The following CIMAP2 variants were observed in gnomAD, a reference collection of about 807,000 sequenced individuals.
The protein encoded by CIMAP2 is ciliary microtubule-associated protein 2.
At chr1:54,808,731 C>T in the CIMAP2 span, among the ~76,000 whole-genome samples, 23 of 151,544 alleles carry the variant, frequency 1.5e-4, no homozygotes, top group South Asian at 1.3e-3. Context: ...GGGGTGGCAG[C>T]GCCAGGGGAT....
chr1:54,816,108 C>T, the CIMAP2 span, among the ~76,000 whole-genome samples: 1 of 152,242 alleles, frequency 6.6e-6, no homozygotes, highest in Admixed American at 6.5e-5. Context: ...ACTGCTACCA[C>T]AGAGCCAGCC....
chr1:54,808,618 A>AGGGG, the CIMAP2 span, among the ~76,000 whole-genome samples: 3 of 82,194 alleles, frequency 3.6e-5, 1 homozygote, highest in Non-Finnish European at 8.2e-5. Context: ...CTGCCGGGGG[A>AGGGG]GGGCAGTGGA....
At chr1:54,841,471 C>T in the CIMAP2 span, 254 of 1,335,350 alleles carry the variant, frequency 1.9e-4, no homozygotes, top group Non-Finnish European at 2.4e-4. Flanking sequence ...TAAGTTCCCT[C>T]CTCTCTCTGG....
the CIMAP2 span, among the ~76,000 whole-genome samples, chr1:54,812,925 T>C: frequency 6.6e-6 from 1 of 151,900 alleles, no homozygotes; most frequent in Non-Finnish European, 1.5e-5. Context: ...AGCTCAGGAG[T>C]GCTGAGGAGG....
chr1:54,826,685 C>G, the CIMAP2 span, among the ~76,000 whole-genome samples: 3 of 152,234 alleles, frequency 2.0e-5, no homozygotes, highest in African/African-American at 2.4e-5. Context: ...ATTGCAGGAG[C>G]CTGTGCGGGG....
the CIMAP2 span, among the ~76,000 whole-genome samples, chr1:54,821,475 G>T: frequency 6.6e-6 from 1 of 152,058 alleles, no homozygotes; most frequent in Admixed American, 6.5e-5. Flanking sequence ...CATGGTGTTA[G>T]AATAATACCA....
the CIMAP2 span, chr1:54,812,075 C>T: frequency 6.2e-7 from 1 of 1,614,200 alleles, no homozygotes; most frequent in Non-Finnish European, 8.5e-7. Flanking sequence ...GCACCTACTT[C>T]TTCAAAAGCG....
At chr1:54,833,016 C>CA in the CIMAP2 span, among the ~76,000 whole-genome samples, 105 of 146,988 alleles carry the variant, frequency 7.1e-4, no homozygotes, top group Middle Eastern at 3.5e-3. Context: ...AACCTTGTCT[C>CA]AAAAAAAAAA....
At chr1:54,813,738 G>C in the CIMAP2 span, 1 of 1,463,884 alleles carries the variant, frequency 6.8e-7, no homozygotes, top group South Asian at 1.4e-5. Context: ...GCTTTTCTCT[G>C]GTTGCGGGGG....
chr1:54,807,927 C>T, the CIMAP2 span: 1 of 1,608,324 alleles, frequency 6.2e-7, no homozygotes, highest in Non-Finnish European at 8.5e-7. Flanking sequence ...ACCTCAAAGA[C>T]TTCTTAGAAC....
At chr1:54,833,861 T>A in the CIMAP2 span, among the ~76,000 whole-genome samples, 1 of 152,126 alleles carries the variant, frequency 6.6e-6, no homozygotes, top group African/African-American at 2.4e-5. Context: ...TAATTTTTAT[T>A]TCTTGAGATG....
the CIMAP2 span, chr1:54,811,764 A>AGCCGGGGGGGGGGC: frequency 9.1e-7 from 1 of 1,097,910 alleles, no homozygotes; most frequent in Non-Finnish European, 1.3e-6. Flanking sequence ...TGGTTCTGAC[A>AGCCGGGGGGGGGGC]GCCTCCATGC....
chr1:54,814,083 G>A, the CIMAP2 span: 6 of 1,320,720 alleles, frequency 4.5e-6, no homozygotes, highest in African/African-American at 9.0e-5. Context: ...TCAGTCTTGG[G>A]ATCAGACTGA....
the CIMAP2 span, chr1:54,811,769 C>CGGGGGGGG: frequency 2.0e-6 from 1 of 510,018 alleles, no homozygotes; most frequent in Non-Finnish European, 3.9e-6. Flanking sequence ...CTGACAGCCT[C>CGGGGGGGG]CATGCCCCCA....
At chr1:54,819,820 C>G in the CIMAP2 span, among the ~76,000 whole-genome samples, 1 of 88,604 alleles carries the variant, frequency 1.1e-5, no homozygotes, top group Non-Finnish European at 2.3e-5. Context: ...CTTTTTCTTT[C>G]TTTCTCTTTC....
the CIMAP2 span, chr1:54,807,727 G>A: frequency 6.5e-7 from 1 of 1,545,954 alleles, no homozygotes; most frequent in South Asian, 1.3e-5. Context: ...CCTCTCTGGT[G>A]CCAGGTCTTC....
the CIMAP2 span, chr1:54,807,135 C>T: frequency 2.0e-6 from 3 of 1,528,468 alleles, no homozygotes; most frequent in South Asian, 3.4e-5. Flanking sequence ...GCCACTGCCC[C>T]TTCGAGCTGC....
the CIMAP2 span, among the ~76,000 whole-genome samples, chr1:54,829,428 C>T: frequency 5.3e-5 from 8 of 152,230 alleles, no homozygotes; most frequent in Admixed American, 4.6e-4. Flanking sequence ...CTCTCAGAGG[C>T]TCAACTTCAG....
the CIMAP2 span, among the ~76,000 whole-genome samples, chr1:54,819,699 CCCATTCCT>C: frequency 6.6e-6 from 1 of 152,054 alleles, no homozygotes; most frequent in Non-Finnish European, 1.5e-5. Context: ...ACCTGTGTGT[CCCATTCCT>C]AGAACTTTCT....
Sources: gnomAD v4.1 joint callset for allele counts (sites outside exome capture counted in the v4.1 genomes callset) on GRCh38, gnomAD v4.1.1 for gene constraint, MANE v1.5 for transcripts, NCBI Gene and HGNC (gene_info 2026-07-23, HGNC 2026-07-21) for gene names.